The following KLHL41 variants were observed in gnomAD, a reference collection of about 807,000 sequenced individuals.
The protein encoded by KLHL41 is kelch-like protein 41.
A neutral mutation model predicts 49.2 loss-of-function variants in KLHL41; 31 were observed. The observed-to-expected ratio is 0.63, with a 90% CI of 0.47 to 0.85. KLHL41 has a LOEUF of 0.85. Ranked by LOEUF, KLHL41 falls within the 40% of genes least tolerant of loss-of-function variation. The pLI is 0.00. For synonymous variants in KLHL41, 218 were observed against 258.5 expected (o/e 0.84, Z 1.50); for missense variants, 663 against 726.7 (o/e 0.91, Z 1.01).
chr2:169,516,827 G>A (rs773594703), intron 3 of KLHL41, among the ~76,000 whole-genome samples: 5 of 152,116 alleles, frequency 3.3e-5, no homozygotes, highest in Non-Finnish European at 7.4e-5. Context: ...TTTGAGACCA[G>A]CCTGTCCAAC....
intron 5 of KLHL41, among the ~76,000 whole-genome samples, chr2:169,524,789 T>C (rs1684271132): frequency 6.7e-6 from 1 of 149,928 alleles, no homozygotes; most frequent in Admixed American, 6.7e-5. Flanking sequence ...CTTGAGGACA[T>C]TGATATGGGG....
At chr2:169,523,234 G>A (rs1684229079) in intron 5 of KLHL41, among the ~76,000 whole-genome samples, 1 of 152,186 alleles carries the variant, frequency 6.6e-6, no homozygotes, top group South Asian at 2.1e-4. Context: ...ACCTAAAAGA[G>A]GGATCCTCTC....
chr2:169,512,220 A>G (rs2105308773), intron 1 of KLHL41, among the ~76,000 whole-genome samples: 1 of 152,364 alleles, frequency 6.6e-6, no homozygotes, highest in South Asian at 2.1e-4. Flanking sequence ...GTTCCAGTGA[A>G]GAATGTTATA....
chr2:169,520,941 G>C lies in KLHL41; in HGVS notation c.1643G>C (p.Gly548Ala), dbSNP rs1311992292. The change falls in exon 5 of 6, where the codon GGT becomes GCT. Residue 548 changes from glycine (G) to alanine (A), a missense_variant. This residue lies in a region of KLHL41 where 528 missense variants were observed against 581.0 expected (regional missense o/e 0.91). Coordinates refer to ENST00000284669, the MANE Select transcript of KLHL41 (RefSeq NM_006063.3). ...VSLAGSLYAI[G>A]GFAMIQLESK... is the part of the protein sequence containing the mutation. ...CTGGCTGGATCTCTGTATGCAATTG[G>C]TGGTTTTGCTATGATTCAACTGGAG... The C allele has an allele frequency of 1.2e-6, 2 of 1,613,910 alleles. No individual in the cohort carries two copies. The highest frequency in any genetic ancestry group is 2.2e-5 in the East Asian group (1 of 44,870).
In KLHL41 at chr2:169,510,551, C is replaced by A; in HGVS notation, c.773C>A (p.Ala258Asp). ...AAAAAAATCAAAGTTCTAAAAGATGCTTTCGCAGGCAAACTCCCAGAACCT... is the reference window on the plus strand; with the variant it reads ...AAAAAAATCAAAGTTCTAAAAGATGATTTCGCAGGCAAACTCCCAGAACCT... ...LQKKIKVLKDAFAGKLPEPSK... is the reference protein window; with the variant it reads ...LQKKIKVLKDDFAGKLPEPSK... Residue 258 changes from alanine (A) to aspartate (D), a missense_variant, in exon 1 of 6, where the codon GCT (alanine) becomes GAT (aspartate). Ala to Asp is a moderately radical substitution (Grantham distance 126). Transcript: ENST00000284669. This position sits in a 1 kb window ranked among gnomAD's most constrained non-coding sequence, Gnocchi z 4.2. The A allele has an allele frequency of 6.2e-7, 1 of 1,614,034 alleles. No homozygotes were observed. Among genetic ancestry groups the A allele is most frequent in the Non-Finnish European group, 8.5e-7 (1 of 1,179,998 alleles).
chr2:169,513,398 T>C (rs542234786), intron 1 of KLHL41, among the ~76,000 whole-genome samples: 10 of 152,346 alleles, frequency 6.6e-5, no homozygotes, highest in African/African-American at 2.4e-4. Context: ...TAAATGTTCA[T>C]TATTATTTCT....
intron 3 of KLHL41, 69 bp downstream of exon 3, chr2:169,515,030 CTTTTCT>C: frequency 3.6e-6 from 3 of 842,032 alleles, no homozygotes; most frequent in Admixed American, 3.3e-5. Context: ...TTCCTCTTTT[CTTTTCT>C]TTTTTTTTTT....
In KLHL41 at chr2:169,510,271, A is replaced by T; in HGVS notation, c.493A>T (p.Ile165Phe). Residue 165 changes from isoleucine (I) to phenylalanine (F), a missense_variant, in exon 1 of 6, where the codon ATT (isoleucine) becomes TTT (phenylalanine). Physicochemically the swap from Ile to Phe is conservative, Grantham distance 21 (BLOSUM62 0). Coordinates refer to ENST00000284669, the MANE Select transcript of KLHL41 (RefSeq NM_006063.3). This position sits in a 1 kb window ranked among gnomAD's most constrained non-coding sequence, Gnocchi z 4.2. ...ATTTGTGTCTGATCGCTTTGTACAG[A>T]TTTGTAAGGAAGAGGACTTTATGCA... ...REFVSDRFVQICKEEDFMQLS... is the reference protein window; with the variant it reads ...REFVSDRFVQFCKEEDFMQLS... 1 of 1,613,988 alleles carries T rather than the reference A, an allele frequency of 6.2e-7. No homozygotes were observed. The highest frequency in any genetic ancestry group is 8.5e-7 in the Non-Finnish European group (1 of 1,180,020).
chr2:169,517,168 G>A (rs1487342840), intron 3 of KLHL41, among the ~76,000 whole-genome samples: 1 of 152,084 alleles, frequency 6.6e-6, no homozygotes, highest in Non-Finnish European at 1.5e-5. Context: ...CCAGATAACT[G>A]GTCTTTTACA....
At position 169,510,067 on chromosome 2, in the gene KLHL41, G is replaced by T. The variant is rs772117192; in HGVS notation, c.289G>T (p.Asp97Tyr). The stretch of plus-strand genomic sequence containing the variant: ...CAAATACCTGTACTCTGCCAGTATT[G>T]ATCTCAATGACGGAAATGTGCAAGA... ...IIKYLYSASI[D>Y]LNDGNVQDIF... is the part of the protein sequence containing the mutation. The change falls in exon 1 of 6, where the codon GAT (aspartate) becomes TAT (tyrosine). Residue 97 changes from aspartate (D) to tyrosine (Y), a missense_variant. Asp to Tyr is a radical substitution (Grantham distance 160, BLOSUM62 -3). Transcript: ENST00000284669. This position sits in a 1 kb window ranked among gnomAD's most constrained non-coding sequence, Gnocchi z 4.2. The T allele has an allele frequency of 5.6e-6, 9 of 1,613,992 alleles. No individual in the cohort carries two copies. Among genetic ancestry groups the T allele is most frequent in the Non-Finnish European group, 7.6e-6 (9 of 1,180,028 alleles).
chr2:169,509,873 T>G lies in KLHL41; in HGVS notation c.95T>G (p.Phe32Cys). The change falls in exon 1 of 6, where the codon TTC (phenylalanine) becomes TGC (cysteine). Residue 32 changes from phenylalanine to cysteine, a missense_variant. Around this residue, in one of 3 missense-constraint regions of KLHL41, gnomAD observed 129 missense variants for 122.1 expected, o/e 1.06. Transcript: ENST00000284669. ...AAAGATCTCCTGGATGAGAAAAAATTCATCGATTGCACCCTAAAAGCAGGT... is the reference window on the plus strand; with the variant it reads ...AAAGATCTCCTGGATGAGAAAAAATGCATCGATTGCACCCTAAAAGCAGGT... Reference protein sequence around the residue: ...GLKDLLDEKKFIDCTLKAGDK... With the variant: ...GLKDLLDEKKCIDCTLKAGDK... 6.2e-7 allele frequency: 1 copy of G among 1,614,148 alleles called. No individual in the cohort carries two copies. The highest frequency in any genetic ancestry group is 8.5e-7 in the Non-Finnish European group (1 of 1,180,030).
chr2:169,522,008 A>G (rs375203269), intron 5 of KLHL41, among the ~76,000 whole-genome samples: 15 of 152,038 alleles, frequency 9.9e-5, no homozygotes, highest in African/African-American at 1.4e-4. Flanking sequence ...AGAAAAAAAA[A>G]AAAAGAAAAA....
chr2:169,512,476 T>C (rs1288840220), intron 1 of KLHL41, among the ~76,000 whole-genome samples: 1 of 152,320 alleles, frequency 6.6e-6, no homozygotes, highest in East Asian at 1.9e-4. Context: ...TCATATTTAA[T>C]TTATTGAATA....
Position 169,509,754 on chromosome 2 carries a change from C to T in KLHL41, c.-25C>T, listed in dbSNP as rs186952885. On this transcript the variant is annotated 5_prime_UTR_variant, in exon 1 of 6. Coordinates refer to ENST00000284669, the MANE Select transcript of KLHL41 (RefSeq NM_006063.3). The stretch of plus-strand genomic sequence containing the variant: ...AAGGAGCTAAGGCCTTCAGTGTCCC[C>T]TTCCTTACCCAGGTTTCTCACAGAA... 3 of 1,592,500 alleles carry T rather than the reference C, an allele frequency of 1.9e-6. No individual in the cohort carries two copies. The African/African-American group carries it at 4.0e-5, about 21-fold the overall frequency.
intron 5 of KLHL41, among the ~76,000 whole-genome samples, chr2:169,522,705 A>ATTTTTTTTTTTTTTTTTT: frequency 2.0e-5 from 1 of 50,092 alleles, no homozygotes; most frequent in Non-Finnish European, 3.4e-5. Context: ...CTTCCCAGTG[A>ATTTTTTTTTTTTTTTTTT]TTTTTTTTTT....
intron 3 of KLHL41, among the ~76,000 whole-genome samples, chr2:169,517,126 A>C (rs1454652917): frequency 6.6e-6 from 1 of 152,264 alleles, no homozygotes; most frequent in African/African-American, 2.4e-5. Flanking sequence ...AAATGATACC[A>C]ATAGTCAAAT....
chr2:169,516,169 G>A (rs1327991759), intron 3 of KLHL41, among the ~76,000 whole-genome samples: 1 of 152,164 alleles, frequency 6.6e-6, no homozygotes, highest in Non-Finnish European at 1.5e-5. Flanking sequence ...TAATAGTGAT[G>A]TCCAACCCTG....
Position 169,525,593 on chromosome 2 carries a change from A to G in KLHL41, c.1718A>G (p.Asp573Gly). 4.4e-6 allele frequency: 7 copies of G among 1,602,904 alleles called. No individual in the cohort carries two copies. The highest frequency in any genetic ancestry group is 1.1e-5 in the South Asian group (1 of 90,826). The stretch of plus-strand genomic sequence containing the variant: ...TTTTTTTCCTCCATCAGGTATGAAG[A>G]TGATAAAAAAGAATGGGCTGGGATG... ...TEVNDIWKYE[D>G]DKKEWAGMLK... The change falls in exon 6 of 6, where the codon GAT becomes GGT. Residue 573 changes from aspartate (D) to glycine (G), a missense_variant. Asp to Gly is a moderately conservative substitution (Grantham distance 94, BLOSUM62 -1). Coordinates refer to ENST00000284669, the MANE Select transcript of KLHL41 (RefSeq NM_006063.3).
Position 169,514,682 on chromosome 2 carries a change from G to C in KLHL41, c.1219G>C (p.Asp407His). Residue 407 changes from aspartate to histidine, a missense_variant, in exon 2 of 6, where the codon GAC becomes CAC. Asp to His is a moderately conservative substitution (Grantham distance 81, BLOSUM62 -1). Transcript: ENST00000284669. Reference protein sequence around the residue: ...DDKIYVVAGKDLQTEASLDSV... With the variant: ...DDKIYVVAGKHLQTEASLDSV... ...TAAAATCTATGTAGTTGCAGGCAAA[G>C]ACCTTCAAACAGAGGCTTCGCTGGA... is the stretch of plus-strand genomic sequence containing the variant. 6.2e-7 allele frequency: 1 copy of C among 1,614,016 alleles called. No homozygotes were observed. The highest frequency in any genetic ancestry group is 8.5e-7 in the Non-Finnish European group (1 of 1,179,964).
Sources: gnomAD v4.1 joint callset for allele counts (sites outside exome capture counted in the v4.1 genomes callset) on GRCh38, gnomAD v4.1.1 for gene constraint, gnomAD v4.1.1 regional missense constraint, Gnocchi (gnomAD v3.1) non-coding constraint, MANE v1.5 for transcripts, NCBI Gene and HGNC (gene_info 2026-07-23, HGNC 2026-07-21) for gene names.